The following STAG1 variants were observed in gnomAD, a reference collection of about 807,000 sequenced individuals.
STAG1 encodes cohesin subunit SA-1.
Under a neutral mutation model 170.9 loss-of-function variants are expected in STAG1, and 26 were observed. The ratio of observed to expected loss-of-function variants is 0.15; its 90% CI spans 0.11 to 0.21. STAG1 has a LOEUF of 0.21. STAG1 is among the 10% of genes least tolerant of loss of function. STAG1 has a pLI of 1.00. For synonymous variants in STAG1, 514 were observed against 497.7 expected, an observed-to-expected ratio of 1.03 and a Z score of -0.44; for missense variants, 964 against 1,509.5, an observed-to-expected ratio of 0.64 and a Z score of 5.99.
chr3:136,598,400 TATATC>T, intron 4 of STAG1, among the ~76,000 whole-genome samples: 1 of 152,276 alleles, frequency 6.6e-6, no homozygotes, highest in Non-Finnish European at 1.5e-5. Context: ...TACAACTCTG[TATATC>T]TCCTCTTTAA....
chr3:136,493,674 A>C (rs1368277173), intron 9 of STAG1, among the ~76,000 whole-genome samples: 7 of 149,250 alleles, frequency 4.7e-5, no homozygotes, highest in Non-Finnish European at 8.9e-5. Context: ...AAAAAAAAAA[A>C]CAACACAAAT....
chr3:136,426,872 T>C (rs1202412451), intron 16 of STAG1, among the ~76,000 whole-genome samples: 1 of 151,884 alleles, frequency 6.6e-6, no homozygotes, highest in Non-Finnish European at 1.5e-5. Context: ...ATCGAGACCA[T>C]CCTGGCTAAC....
chr3:136,425,141 TATTC>T (rs2088080529), intron 16 of STAG1, among the ~76,000 whole-genome samples: 1 of 152,022 alleles, frequency 6.6e-6, no homozygotes, highest in Non-Finnish European at 1.5e-5. Context: ...CCCAGCTGAT[TATTC>T]ATTATTTCTA....
At chr3:136,634,350 C>T (rs1308525255) in intron 1 of STAG1, among the ~76,000 whole-genome samples, 9 of 151,524 alleles carry the variant, frequency 5.9e-5, no homozygotes, top group African/African-American at 1.2e-4. Flanking sequence ...AGAGACCCTG[C>T]TTCAGCCCCC....
intron 4 of STAG1, among the ~76,000 whole-genome samples, chr3:136,600,789 T>G (rs888698782): frequency 6.6e-6 from 1 of 152,164 alleles, no homozygotes; most frequent in Non-Finnish European, 1.5e-5. Context: ...CGCCTGGGCC[T>G]CCCAAAATGC....
chr3:136,451,423 A>G (rs1414564944), intron 14 of STAG1, among the ~76,000 whole-genome samples: 1 of 152,186 alleles, frequency 6.6e-6, no homozygotes, highest in African/African-American at 2.4e-5. Context: ...AAACTGTTTA[A>G]TGTAATGTAA....
intron 1 of STAG1, among the ~76,000 whole-genome samples, chr3:136,700,652 A>G (rs923107913): frequency 2.7e-5 from 4 of 150,658 alleles, no homozygotes; most frequent in Non-Finnish European, 5.9e-5. Flanking sequence ...ACTCCTGACC[A>G]CAGGTGATCC....
At chr3:136,523,876 C>G (rs983815777) in intron 6 of STAG1, among the ~76,000 whole-genome samples, 36 of 152,200 alleles carry the variant, frequency 2.4e-4, no homozygotes, top group Non-Finnish European at 4.1e-4. Flanking sequence ...GCTTGTTTTT[C>G]TCAGGTTTGT....
intron 28 of STAG1, among the ~76,000 whole-genome samples, chr3:136,354,754 C>CAAAAAAAAAAAAAAAAAAA: frequency 3.1e-4 from 2 of 6,516 alleles, no homozygotes; most frequent in African/African-American, 7.2e-4. Flanking sequence ...GAGAAAGAAC[C>CAAAAAAAAAAAAAAAAAAA]AAAAAAAAAA....
chr3:136,421,040 G>A lies in STAG1; in HGVS notation c.2108+53C>T, dbSNP rs115237899. 7.6e-4 allele frequency: 864 copies of A among 1,130,292 alleles called. 7 individuals are homozygous for A. In the African/African-American group the frequency reaches 0.012, roughly 16 times the overall value. 70.0% of individuals were successfully genotyped at this position (1,130,292 alleles called of 1,614,324 possible). A position where few individuals can be genotyped will look rare whatever the true frequency, so the allele number is the denominator to read the frequency against. On this transcript the variant is annotated intron_variant, in intron 20 of 33. Transcript: ENST00000383202. ...CCCATCTCGGCCTCTCAAAGTGTTGGGGTTACAGGCATGAGCCACCTCGTT... is the reference window on the plus strand; with the variant it reads ...CCCATCTCGGCCTCTCAAAGTGTTGAGGTTACAGGCATGAGCCACCTCGTT...
intron 1 of STAG1, among the ~76,000 whole-genome samples, chr3:136,672,747 C>T (rs565032623): frequency 7.9e-5 from 12 of 152,216 alleles, no homozygotes; most frequent in African/African-American, 2.9e-4. Flanking sequence ...ACATGCTAGT[C>T]ATATGTGCCA....
intron 4 of STAG1, among the ~76,000 whole-genome samples, chr3:136,589,248 T>C (rs1414253392): frequency 1.3e-5 from 2 of 152,054 alleles, no homozygotes; most frequent in Admixed American, 6.5e-5. Context: ...CCTGTAATCC[T>C]AGCAGTTTGG....
intron 21 of STAG1, among the ~76,000 whole-genome samples, chr3:136,414,504 C>G (rs2087717404): frequency 6.6e-6 from 1 of 152,184 alleles, no homozygotes; most frequent in Non-Finnish European, 1.5e-5. Context: ...AGCTCTCTTG[C>G]TATCTCCACT....
At chr3:136,692,437 C>A (rs1942758597) in intron 1 of STAG1, among the ~76,000 whole-genome samples, 1 of 151,510 alleles carries the variant, frequency 6.6e-6, no homozygotes, top group Non-Finnish European at 1.5e-5. Flanking sequence ...GAGTTCGAGA[C>A]CAGCCTGCTT....
At chr3:136,747,009 T>A (rs970025428) in intron 1 of STAG1, among the ~76,000 whole-genome samples, 2 of 141,350 alleles carry the variant, frequency 1.4e-5, no homozygotes, top group Non-Finnish European at 3.0e-5. Context: ...GGCAGAAGAA[T>A]AACTTGGATC....
At chr3:136,449,706 ACTT>A (rs933590306) in intron 14 of STAG1, among the ~76,000 whole-genome samples, 11 of 152,198 alleles carry the variant, frequency 7.2e-5, no homozygotes, top group African/African-American at 2.7e-4. Context: ...ATTACAAATT[ACTT>A]CTTTAAATAA....
chr3:136,389,838 T>C (rs1374258969), intron 22 of STAG1, among the ~76,000 whole-genome samples: 1 of 131,786 alleles, frequency 7.6e-6, no homozygotes, highest in Non-Finnish European at 1.7e-5. Flanking sequence ...TTTTTTTTTC[T>C]TTTTTTTTTT....
In STAG1 at chr3:136,604,359, C is replaced by T; in HGVS notation, c.247G>A (p.Glu83Lys). ...NGHPQQNGEG[E>K]PVTLFEVVKL... is the part of the protein sequence containing the mutation. ...ACCACCTCAAATAATGTGACAGGCTCCCCTTCCCCATTCTGTTGAGGGTGT... is the reference window on the plus strand; with the variant it reads ...ACCACCTCAAATAATGTGACAGGCTTCCCTTCCCCATTCTGTTGAGGGTGT... The change falls in exon 4 of 34, where the codon GAG becomes AAG. Residue 83 changes from glutamate to lysine, a missense_variant. Glu to Lys is a moderately conservative substitution (Grantham distance 56). Transcript: ENST00000383202. 6.2e-7 allele frequency: 1 copy of T among 1,613,364 alleles called. No individual in the cohort carries two copies. Among genetic ancestry groups the T allele is most frequent in the Non-Finnish European group, 8.5e-7 (1 of 1,179,788 alleles).
intron 15 of STAG1, among the ~76,000 whole-genome samples, chr3:136,441,034 T>C (rs1231436291): frequency 7.0e-6 from 1 of 143,744 alleles, no homozygotes; most frequent in Non-Finnish European, 1.6e-5. Flanking sequence ...TCTTTCCTTT[T>C]TTTTTTTTTT....
Sources: gnomAD v4.1 joint callset for allele counts (sites outside exome capture counted in the v4.1 genomes callset) on GRCh38, gnomAD v4.1.1 for gene constraint, MANE v1.5 for transcripts, NCBI Gene and HGNC (gene_info 2026-07-23, HGNC 2026-07-21) for gene names.